KCNH1: variants seen among roughly 807,000 people sequenced by gnomAD.
KCNH1 encodes the protein potassium voltage-gated channel subfamily H member 1, also known as voltage-gated delayed rectifier potassium channel KCNH1.
A neutral mutation model predicts 69.2 loss-of-function variants in KCNH1; 27 were observed. That is an observed-to-expected ratio of 0.39 (90% CI 0.29 to 0.54). KCNH1 has a LOEUF of 0.54. Among genes scored for constraint, KCNH1 ranks in the 20% least tolerant of loss-of-function variants. The pLI is 0.68. For synonymous variants in KCNH1, 456 were observed against 487.7 expected, an observed-to-expected ratio of 0.93 and a Z score of 0.86; for missense variants, 798 against 1,261.6, an observed-to-expected ratio of 0.63 and a Z score of 5.57.
intron 9 of KCNH1, among the ~76,000 whole-genome samples, chr1:210,785,985 T>C (rs190649547): frequency 1.3e-5 from 2 of 152,300 alleles, no homozygotes; most frequent in Non-Finnish European, 2.9e-5. Flanking sequence ...ATTAGGTTTA[T>C]CTGGAAAATA....
chr1:210,923,407 A>G (rs1049716141), intron 6 of KCNH1, among the ~76,000 whole-genome samples: 2 of 152,322 alleles, frequency 1.3e-5, no homozygotes, highest in Middle Eastern at 3.4e-3. Flanking sequence ...TGGGGGTCCC[A>G]TCATCTTTCT....
At chr1:210,830,842 A>G (rs1321146897) in intron 7 of KCNH1, among the ~76,000 whole-genome samples, 2 of 152,290 alleles carry the variant, frequency 1.3e-5, no homozygotes, top group East Asian at 3.9e-4. Context: ...AGGAGGTTTG[A>G]GAGTGCCATT....
At chr1:211,116,029 G>T (rs190662875) in intron 1 of KCNH1, among the ~76,000 whole-genome samples, 1 of 151,958 alleles carries the variant, frequency 6.6e-6, no homozygotes, top group Non-Finnish European at 1.5e-5. Flanking sequence ...CCAGATACTC[G>T]GGAGGCTGAG....
intron 7 of KCNH1, among the ~76,000 whole-genome samples, chr1:210,806,807 C>T (rs11119605): frequency 0.59 from 9,617 of 16,222 alleles, 2,184 homozygotes; most frequent in East Asian, 0.72. Flanking sequence ...CCATCTCTAC[C>T]AAAAAAAAAA....
At chr1:211,042,653 A>T (rs2102433158) in intron 5 of KCNH1, among the ~76,000 whole-genome samples, 1 of 152,306 alleles carries the variant, frequency 6.6e-6, no homozygotes, top group South Asian at 2.1e-4. Flanking sequence ...CTACCCAACA[A>T]CCACAGAATT....
chr1:211,090,052 T>G (rs1460247153), intron 4 of KCNH1, among the ~76,000 whole-genome samples: 1 of 152,210 alleles, frequency 6.6e-6, no homozygotes, highest in Non-Finnish European at 1.5e-5. Flanking sequence ...AAATGTTACT[T>G]AGGACCCTGG....
chr1:210,974,543 T>A (rs1688567289), intron 6 of KCNH1, among the ~76,000 whole-genome samples: 1 of 150,266 alleles, frequency 6.7e-6, no homozygotes. Flanking sequence ...AGATAGAATT[T>A]TTATGTGTTT....
chr1:210,917,175 G>A (rs1687351534), intron 7 of KCNH1, among the ~76,000 whole-genome samples: 1 of 144,060 alleles, frequency 6.9e-6, no homozygotes, highest in African/African-American at 2.6e-5. Flanking sequence ...GAAGAGAGAA[G>A]AGAGAAATAA....
chr1:210,841,613 A>C (rs1685412768), intron 7 of KCNH1, among the ~76,000 whole-genome samples: 1 of 152,188 alleles, frequency 6.6e-6, no homozygotes, highest in Non-Finnish European at 1.5e-5. Flanking sequence ...CATGGGAAAA[A>C]GTAACAGGCC....
chr1:211,121,646 A>G (rs1168217107), intron 1 of KCNH1, among the ~76,000 whole-genome samples: 3 of 152,254 alleles, frequency 2.0e-5, no homozygotes, highest in Non-Finnish European at 2.9e-5. Flanking sequence ...CAAAAACGCC[A>G]AAAGCAATTG....
chr1:211,038,064 A>T (rs1189051595), intron 5 of KCNH1, among the ~76,000 whole-genome samples: 1 of 145,034 alleles, frequency 6.9e-6, no homozygotes, highest in Non-Finnish European at 1.5e-5. Flanking sequence ...GGTTCACGCC[A>T]TTCTCCTGCC....
chr1:210,942,644 A>C lies in KCNH1; in HGVS notation c.1033-22575T>G, dbSNP rs188383680. On this transcript the variant is annotated intron_variant, in intron 6 of 10. Coordinates refer to ENST00000271751, the MANE Select transcript of KCNH1 (RefSeq NM_172362.3). ...CTTCTCTGAAAATTTGCAAACAAGC[A>C]GTCATATATACTGGACCTAAACAGC... 4.6e-5 allele frequency among the ~76,000 whole-genome samples: 7 copies of C among 152,342 alleles called. No homozygotes were observed. In the East Asian group the frequency reaches 1.4e-3, roughly 29 times the overall value.
chr1:210,754,844 GCACACACACA>G lies in KCNH1; in HGVS notation c.2112+20494_2112+20503del, dbSNP rs3040180. ...GGGCCTGATACACAAGTACACACGG[GCACACACACA>G]CACACACACACACACACACACACAC... On this transcript the variant is annotated intron_variant, in intron 10 of 10. Coordinates refer to ENST00000271751, the MANE Select transcript of KCNH1 (RefSeq NM_172362.3). Among the ~76,000 whole-genome samples, 339 of 148,942 alleles carry G rather than the reference GCACACACACA, an allele frequency of 2.3e-3. 3 individuals are homozygous for G. Among genetic ancestry groups the G allele is most frequent in the South Asian group, 5.2e-3 (24 of 4,590 alleles).
At chr1:211,033,484 A>G (rs1243613705) in intron 5 of KCNH1, among the ~76,000 whole-genome samples, 1 of 152,222 alleles carries the variant, frequency 6.6e-6, no homozygotes, top group Non-Finnish European at 1.5e-5. Flanking sequence ...TTGTGGCACT[A>G]TTCACAATAG....
rs140175489 is a variant in KCNH1, at chr1:210,898,854, G to A, written c.1462+20786C>T. The stretch of plus-strand genomic sequence containing the variant: ...GTGGGGTAATGAGGGCCTGGACTCA[G>A]GTAAAGACAGAACAAATAGAGAAGC... On this transcript the variant is annotated intron_variant, in intron 7 of 10. Transcript: ENST00000271751. Among the ~76,000 whole-genome samples the A allele has an allele frequency of 2.2e-4, 33 of 152,302 alleles. No homozygotes were observed. In the East Asian group the frequency reaches 6.2e-3, roughly 29 times the overall value.
In KCNH1 at chr1:211,005,428, A is replaced by T. The variant is rs1157114405; in HGVS notation, c.1032+13355T>A. ...CGGTAATATACAAACAAATCAGTGA[A>T]AAAGAATTGAGTCCTGAGAAAGATC... is the stretch of plus-strand genomic sequence containing the variant. On this transcript the variant is annotated intron_variant, in intron 6 of 10. Transcript: ENST00000271751. Among the ~76,000 whole-genome samples, 4 of 152,168 alleles carry T rather than the reference A, an allele frequency of 2.6e-5. No homozygotes were observed. The South Asian group carries it at 6.2e-4, about 24-fold the overall frequency.
intron 5 of KCNH1, among the ~76,000 whole-genome samples, chr1:211,028,003 A>G (rs2102420368): frequency 6.6e-6 from 1 of 152,286 alleles, no homozygotes; most frequent in South Asian, 2.1e-4. Context: ...ATCAATATTT[A>G]TAGAATACTC....
chr1:211,111,666 C>A (rs1218425036), intron 1 of KCNH1, among the ~76,000 whole-genome samples: 1 of 145,282 alleles, frequency 6.9e-6, no homozygotes, highest in Non-Finnish European at 1.5e-5. Context: ...CCTAACCTGG[C>A]CGCTGCACTG....
intron 5 of KCNH1, among the ~76,000 whole-genome samples, chr1:211,078,932 A>G (rs1690791452): frequency 6.6e-6 from 1 of 150,710 alleles, no homozygotes; most frequent in Non-Finnish European, 1.5e-5. Context: ...AAAAAAAAAA[A>G]AAAAAGAAAG....
Sources: allele counts gnomAD v4.1 joint callset (sites outside exome capture counted in the v4.1 genomes callset), GRCh38; gene constraint gnomAD v4.1.1; transcripts MANE v1.5; gene names NCBI Gene and HGNC (gene_info 2026-07-23, HGNC 2026-07-21).